Variants in C1orf94 observed in about 807,000 individuals in gnomAD.
C1orf94 encodes the protein chromosome 1 open reading frame 94.
In C1orf94, 45 loss-of-function variants were observed where a neutral mutation model predicts 53.6. That is an observed-to-expected ratio of 0.84 (90% CI 0.66 to 1.08). The LOEUF (loss-of-function observed/expected upper bound fraction) is 1.08. C1orf94 is among the 50% of genes least tolerant of loss of function. C1orf94 has a pLI of 0.00. For missense variants in C1orf94, 762 were observed against 738.9 expected (o/e 1.03, Z -0.36); for synonymous variants, 304 against 296.1 (o/e 1.03, Z -0.27).
intron 1 of C1orf94, among the ~76,000 whole-genome samples, chr1:34,169,818 C>T (rs1391608058): frequency 6.6e-6 from 1 of 152,242 alleles, no homozygotes; most frequent in Non-Finnish European, 1.5e-5. Flanking sequence ...AAGGGCGAGG[C>T]TATCACCATA....
chr1:34,178,474 T>G (rs1001576796), intron 1 of C1orf94, among the ~76,000 whole-genome samples: 1 of 152,206 alleles, frequency 6.6e-6, no homozygotes, highest in African/African-American at 2.4e-5. Flanking sequence ...CTCTCCCACC[T>G]AAAGGCTAGG....
intron 4 of C1orf94, among the ~76,000 whole-genome samples, chr1:34,206,337 G>T (rs949608429): frequency 4.6e-5 from 7 of 152,194 alleles, no homozygotes; most frequent in Non-Finnish European, 8.8e-5. Flanking sequence ...AGAAGATGAT[G>T]AAAAAGAGGC....
intron 1 of C1orf94, among the ~76,000 whole-genome samples, chr1:34,180,656 G>C (rs1451758490): frequency 6.6e-6 from 1 of 152,234 alleles, no homozygotes; most frequent in Non-Finnish European, 1.5e-5. Flanking sequence ...ATAGTTGGGA[G>C]TCCCATATAC....
chr1:34,202,902 A>G lies in C1orf94; in HGVS notation c.1446+643A>G, dbSNP rs141698636. On this transcript the variant is annotated intron_variant, in intron 4 of 6. Coordinates refer to ENST00000488417, the MANE Select transcript of C1orf94 (RefSeq NM_001134734.2). The stretch of plus-strand genomic sequence containing the variant: ...ACAACAACAACAACAACAAAATACA[A>G]CAACAAAAAATAATGCGAGTAAAAG... 6.1e-3 allele frequency among the ~76,000 whole-genome samples: 934 copies of G among 152,332 alleles called. 32 individuals carry two copies. Among genetic ancestry groups the G allele is most frequent in the Admixed American group, 0.043 (663 of 15,304 alleles).
intron 5 of C1orf94, among the ~76,000 whole-genome samples, chr1:34,209,771 G>A (rs74063916): frequency 0.036 from 5,526 of 152,160 alleles, 312 homozygotes; most frequent in African/African-American, 0.12. Flanking sequence ...TCTGGGTCAG[G>A]GAATCTCAGC....
intron 1 of C1orf94, among the ~76,000 whole-genome samples, chr1:34,179,045 G>C (rs1326532573): frequency 2.0e-5 from 3 of 152,244 alleles, no homozygotes; most frequent in Non-Finnish European, 4.4e-5. Context: ...GCTCAGTTCA[G>C]AGATGCTCTG....
At chr1:34,202,326 T>C in intron 4 of C1orf94, 67 bp downstream of exon 4, 1 of 1,528,136 alleles carries the variant, frequency 6.5e-7, no homozygotes, top group East Asian at 2.3e-5. Context: ...AAGGAGTGGC[T>C]GGCAGGGGGT....
chr1:34,169,430 A>G (rs1642104977), intron 1 of C1orf94, among the ~76,000 whole-genome samples: 1 of 152,196 alleles, frequency 6.6e-6, no homozygotes, highest in Non-Finnish European at 1.5e-5. Context: ...CAGTCTAGTG[A>G]CTAGCCAAGA....
rs1389767248 is a variant in C1orf94 at position 34,177,524 on chromosome 1, G to A, written c.-266G>A. The A allele has an allele frequency of 2.6e-6, 1 of 385,900 alleles. No individual in the cohort carries two copies. Among genetic ancestry groups the A allele is most frequent in the East Asian group, 3.8e-5 (1 of 26,392 alleles). The allele number at this position is 385,900 out of a possible 1,614,324, so 23.9% of individuals were successfully genotyped here. A position where few individuals can be genotyped will look rare whatever the true frequency, so the allele number is the denominator to read the frequency against. On this transcript the variant is annotated 5_prime_UTR_variant, in exon 1 of 7. Transcript: ENST00000488417. Reference sequence around the variant, plus strand: ...CCCAGGCGCCTGGTTCCTGAGCTCCGCAGCATTCCACTGTTCCTAAGCTAC... The same window carrying A: ...CCCAGGCGCCTGGTTCCTGAGCTCCACAGCATTCCACTGTTCCTAAGCTAC...
At chr1:34,211,043 T>G (rs988796147) in intron 5 of C1orf94, among the ~76,000 whole-genome samples, 3 of 151,924 alleles carry the variant, frequency 2.0e-5, no homozygotes, top group Non-Finnish European at 4.4e-5. Flanking sequence ...ACCCCAGACT[T>G]GCTATTAAAG....
chr1:34,169,638 A>AGAGAGAGAGAGAGAGC (rs1305023423), intron 1 of C1orf94, among the ~76,000 whole-genome samples: 4 of 148,340 alleles, frequency 2.7e-5, no homozygotes, highest in Admixed American at 6.7e-5. Context: ...AGAGAGAGTG[A>AGAGAGAGAGAGAGAGC]GCAAATGGGA....
At chr1:34,207,270 T>G (rs978157716) in intron 4 of C1orf94, among the ~76,000 whole-genome samples, 16 of 71,860 alleles carry the variant, frequency 2.2e-4, no homozygotes, top group African/African-American at 5.6e-4. Flanking sequence ...GGGGTGTGTG[T>G]GTGTGTGTGT....
chr1:34,199,927 A>G (rs970028803), intron 2 of C1orf94, among the ~76,000 whole-genome samples: 1 of 152,150 alleles, frequency 6.6e-6, no homozygotes, highest in Non-Finnish European at 1.5e-5. Flanking sequence ...TTCCTTCTGG[A>G]AGGAACCTTC....
At chr1:34,211,626 T>C (rs972282601) in intron 5 of C1orf94, among the ~76,000 whole-genome samples, 1 of 152,192 alleles carries the variant, frequency 6.6e-6, no homozygotes, top group Non-Finnish European at 1.5e-5. Flanking sequence ...CTCATGCCCA[T>C]GAGCCACATT....
chr1:34,193,480 G>A (rs1771366), intron 1 of C1orf94, among the ~76,000 whole-genome samples: 1 of 152,082 alleles, frequency 6.6e-6, no homozygotes, highest in Non-Finnish European at 1.5e-5. Context: ...ATATTCCTGA[G>A]TGCATTCAGA....
chr1:34,208,049 C>A (rs1642827325), intron 4 of C1orf94, 108 bp from the exon 5 acceptor site: 5 of 1,095,798 alleles, frequency 4.6e-6, no homozygotes, highest in Non-Finnish European at 6.7e-6. Flanking sequence ...GTCTGGTCAG[C>A]AATGTGATGG....
chr1:34,181,445 C>T (rs946676376), intron 1 of C1orf94, among the ~76,000 whole-genome samples: 2 of 152,160 alleles, frequency 1.3e-5, no homozygotes, highest in Non-Finnish European at 2.9e-5. Context: ...TTCCCCAAGT[C>T]GACTTTCACT....
At chr1:34,208,103 C>G (rs1332911204) in intron 4 of C1orf94, 54 bp from the exon 5 acceptor site, 3 of 1,562,488 alleles carry the variant, frequency 1.9e-6, no homozygotes, top group Non-Finnish European at 2.6e-6. Context: ...GTAGCTGATG[C>G]CTTCTGGCAG....
chr1:34,183,199 T>C (rs1394825595), intron 1 of C1orf94, among the ~76,000 whole-genome samples: 5 of 152,244 alleles, frequency 3.3e-5, no homozygotes, highest in Non-Finnish European at 5.9e-5. Flanking sequence ...TTCTGTCTAG[T>C]GCTGATTTAA....
Sources: allele counts gnomAD v4.1 joint callset (sites outside exome capture counted in the v4.1 genomes callset), GRCh38; gene constraint gnomAD v4.1.1; transcripts MANE v1.5; gene names NCBI Gene and HGNC (gene_info 2026-07-23, HGNC 2026-07-21).